The following USO1 variants were observed in gnomAD, a reference collection of about 807,000 sequenced individuals.
USO1 encodes USO1 vesicle transport factor.
USO1 carries 57 observed loss-of-function variants against 124.5 expected under a neutral mutation model. The observed-to-expected ratio is 0.46, with a 90% confidence interval of 0.37 to 0.57. The LOEUF is 0.57. USO1 is among the 20% of genes least tolerant of loss of function. The probability of loss-of-function intolerance (pLI) is 0.00; values close to 1 mark genes in which losing one functional copy is unlikely to be tolerated. For synonymous variants in USO1, 369 were observed against 362.8 expected (o/e 1.02, Z -0.19); for missense variants, 900 against 1,040.6 (o/e 0.86, Z 1.86).
At chr4:75,751,452 T>A (rs1459752408) in intron 1 of USO1, among the ~76,000 whole-genome samples, 6 of 148,038 alleles carry the variant, frequency 4.1e-5, no homozygotes, top group African/African-American at 1.2e-4. Context: ...CTTCAGGTGA[T>A]CCACCCGCCT....
At chr4:75,765,997 C>T (rs1173311957) in intron 4 of USO1, among the ~76,000 whole-genome samples, 2 of 152,122 alleles carry the variant, frequency 1.3e-5, no homozygotes, top group Non-Finnish European at 2.9e-5. Context: ...TTTATCCTCT[C>T]CTCTACCTGT....
intron 3 of USO1, among the ~76,000 whole-genome samples, chr4:75,754,272 G>C (rs1280866170): frequency 6.6e-6 from 1 of 151,502 alleles, no homozygotes; most frequent in African/African-American, 2.4e-5. Context: ...TAATAGAGAT[G>C]GGGTTTCTCC....
intron 12 of USO1, 103 bp downstream of exon 12, chr4:75,790,900 T>G (rs1203781895): frequency 1.2e-5 from 16 of 1,283,192 alleles, no homozygotes; most frequent in Middle Eastern, 2.9e-4. Context: ...ATACTTTGCA[T>G]GCTTAGGAGA....
At chr4:75,737,322 C>A (rs923329669) in intron 1 of USO1, among the ~76,000 whole-genome samples, 15 of 152,138 alleles carry the variant, frequency 9.9e-5, no homozygotes, top group Non-Finnish European at 4.4e-5. Context: ...TAGTAATTGG[C>A]ATAGATACCA....
chr4:75,747,768 C>T (rs1310897461), intron 1 of USO1, among the ~76,000 whole-genome samples: 3 of 150,892 alleles, frequency 2.0e-5, no homozygotes, highest in Admixed American at 6.6e-5. Flanking sequence ...CACCACCATA[C>T]CCAGCTAATT....
At chr4:75,798,508 A>G (rs1722751988) in intron 13 of USO1, among the ~76,000 whole-genome samples, 1 of 152,210 alleles carries the variant, frequency 6.6e-6, no homozygotes, top group South Asian at 2.1e-4. Flanking sequence ...AGGCAAGGAA[A>G]CAGTAAAAAT....
intron 1 of USO1, among the ~76,000 whole-genome samples, chr4:75,742,032 T>C (rs1395898717): frequency 1.3e-5 from 2 of 152,216 alleles, no homozygotes; most frequent in East Asian, 3.8e-4. Context: ...GCAATAGAGC[T>C]GTCAACTCCT....
At chr4:75,809,886 C>T (rs1451037177) in intron 21 of USO1, among the ~76,000 whole-genome samples, 1 of 152,218 alleles carries the variant, frequency 6.6e-6, no homozygotes, top group African/African-American at 2.4e-5. Flanking sequence ...ACTCATTACA[C>T]AGTTCCAAAG....
At chr4:75,809,796 A>C (rs1723093235) in intron 21 of USO1, among the ~76,000 whole-genome samples, 4 of 152,300 alleles carry the variant, frequency 2.6e-5, no homozygotes, top group South Asian at 4.1e-4. Flanking sequence ...CACCAGAATC[A>C]CTTAATGTCC....
intron 4 of USO1, among the ~76,000 whole-genome samples, chr4:75,768,533 T>C (rs1386234030): frequency 6.6e-6 from 1 of 152,256 alleles, no homozygotes; most frequent in East Asian, 1.9e-4. Flanking sequence ...ATTAGCTCTT[T>C]TGTAGATTCC....
At chr4:75,785,651 A>G (rs1243396370) in intron 9 of USO1, among the ~76,000 whole-genome samples, 1 of 152,066 alleles carries the variant, frequency 6.6e-6, no homozygotes, top group African/African-American at 2.4e-5. Context: ...TTTTATCCTC[A>G]TAAATATTCC....
rs1560447555 is a variant in USO1, at chr4:75,770,518, T to C, written c.375T>C (p.Thr125=). ...EIFIKQQENV[T]LLLSLLEEFD... is the part of the protein sequence containing the mutation. The stretch of plus-strand genomic sequence containing the variant: ...TCATTAAGCAGCAGGAAAATGTCAC[T>C]CTTCTGTTATCTTTATTGGAGGTAA... The change falls in exon 5 of 24, where the codon ACT becomes ACC. Residue 125 remains threonine (T), a synonymous_variant. Transcript: ENST00000514213. 6.3e-7 allele frequency: 1 copy of C among 1,586,644 alleles called. No homozygotes were observed. The highest frequency in any genetic ancestry group is 8.6e-7 in the Non-Finnish European group (1 of 1,165,778).
chr4:75,739,933 A>ACAGCC (rs1345504422), intron 1 of USO1, among the ~76,000 whole-genome samples: 1 of 152,170 alleles, frequency 6.6e-6, no homozygotes, highest in African/African-American at 2.4e-5. Flanking sequence ...GAAGGCTGTG[A>ACAGCC]TGTTCCTTAC....
Position 75,800,547 on chromosome 4 carries a change from G to A in USO1, c.1683-71G>A, listed in dbSNP as rs2149189257. The stretch of plus-strand genomic sequence containing the variant: ...TTTTTTTTTTTTGCCAAAGCATTAT[G>A]TAGACCAAGCTTTTATGTTTTGTTT... On this transcript the variant is annotated intron_variant, in intron 15 of 23. Coordinates refer to ENST00000514213, the MANE Select transcript of USO1 (RefSeq NM_003715.4). 7 of 1,499,788 alleles carry A rather than the reference G, an allele frequency of 4.7e-6. No homozygotes were observed. In the South Asian group the frequency reaches 9.3e-5, roughly 20 times the overall value. 92.9% of individuals were successfully genotyped at this position (1,499,788 alleles called of 1,614,324 possible). A position where few individuals can be genotyped will look rare whatever the true frequency, so the allele number is the denominator to read the frequency against.
chr4:75,770,567 C>T, intron 5 of USO1, 28 bp downstream of exon 5: 1 of 1,539,478 alleles, frequency 6.5e-7, no homozygotes, highest in Non-Finnish European at 8.8e-7. Context: ...ATGTTTTTGT[C>T]ATCTTAATAA....
At chr4:75,731,047 G>A (rs1241710010) in intron 1 of USO1, among the ~76,000 whole-genome samples, 1 of 152,100 alleles carries the variant, frequency 6.6e-6, no homozygotes, top group African/African-American at 2.4e-5. Context: ...TTCATTTATG[G>A]GAAAGAGCAT....
Position 75,782,723 on chromosome 4 carries a change from A to G in USO1, c.720A>G (p.Leu240=), listed in dbSNP as rs763964565. The stretch of plus-strand genomic sequence containing the variant: ...GTTTGATTTTGCTCCAAAACTTATT[A>G]AAAAACAACAACTCCAATCAAAATT... ...EDCLILLQNL[L]KNNNSNQNFF... is the part of the protein sequence containing the mutation. The change falls in exon 9 of 24, where the codon TTA becomes TTG. Residue 240 remains leucine (L), a synonymous_variant. Transcript: ENST00000514213. 1.4e-5 allele frequency: 22 copies of G among 1,575,926 alleles called. No homozygotes were observed. Among genetic ancestry groups the G allele is most frequent in the Non-Finnish European group, 1.8e-5 (21 of 1,160,446 alleles).
At chr4:75,777,176 CTTAAA>C (rs1722094181) in intron 8 of USO1, among the ~76,000 whole-genome samples, 1 of 152,084 alleles carries the variant, frequency 6.6e-6, no homozygotes. Flanking sequence ...TTGCCAAAGA[CTTAAA>C]TTTAATTTTC....
At chr4:75,809,280 T>C (rs906855150) in intron 21 of USO1, among the ~76,000 whole-genome samples, 1 of 146,274 alleles carries the variant, frequency 6.8e-6, no homozygotes, top group African/African-American at 2.5e-5. Context: ...TTGCTGGTAT[T>C]ACATTCTATT....
Sources: allele counts gnomAD v4.1 joint callset (sites outside exome capture counted in the v4.1 genomes callset), GRCh38; gene constraint gnomAD v4.1.1; transcripts MANE v1.5; gene names NCBI Gene and HGNC (gene_info 2026-07-23, HGNC 2026-07-21).